RALYL: variants seen among roughly 807,000 people sequenced by gnomAD.
RALYL encodes the protein RNA-binding Raly-like protein.
Under a neutral mutation model 35.1 loss-of-function variants are expected in RALYL, and 29 were observed. The ratio of observed to expected loss-of-function variants is 0.83; its 90% CI spans 0.61 to 1.13. The LOEUF (loss-of-function observed/expected upper bound fraction) is 1.13. Among genes scored for constraint, RALYL ranks in the 50% most tolerant of loss-of-function variants. The probability of loss-of-function intolerance (pLI) is 0.00; values close to 1 mark genes in which losing one functional copy is unlikely to be tolerated. For missense variants in RALYL, 359 were observed against 360.4 expected (o/e 1.00, Z 0.03); for synonymous variants, 120 against 127.6 (o/e 0.94, Z 0.40).
intron 1 of RALYL, among the ~76,000 whole-genome samples, chr8:84,441,820 C>T (rs544549132): frequency 5.3e-5 from 8 of 152,124 alleles, no homozygotes; most frequent in Admixed American, 2.0e-4. Context: ...TAGACATATA[C>T]GTCAATTCCT....
At chr8:84,784,708 G>A (rs183702654) in intron 3 of RALYL, among the ~76,000 whole-genome samples, 1 of 152,188 alleles carries the variant, frequency 6.6e-6, no homozygotes, top group East Asian at 1.9e-4. Context: ...GTGTCTTTGT[G>A]AGAGTAATTC....
intron 4 of RALYL, among the ~76,000 whole-genome samples, chr8:84,812,336 C>T (rs764570500): frequency 6.6e-6 from 1 of 152,062 alleles, no homozygotes; most frequent in African/African-American, 2.4e-5. Context: ...CTGCAGAGTC[C>T]TGTGATGAAA....
intron 2 of RALYL, among the ~76,000 whole-genome samples, chr8:84,658,200 TAAATATTC>T (rs2131616720): frequency 6.6e-6 from 1 of 152,316 alleles, no homozygotes; most frequent in East Asian, 1.9e-4. Flanking sequence ...TCTCTACTTA[TAAATATTC>T]ATGACTCTTC....
intron 2 of RALYL, among the ~76,000 whole-genome samples, chr8:84,571,998 T>C (rs2135798437): frequency 6.6e-6 from 1 of 151,944 alleles, no homozygotes; most frequent in South Asian, 2.1e-4. Flanking sequence ...ATTTGATGTT[T>C]TTGAGACTTG....
chr8:84,794,183 T>C (rs1821405178), intron 3 of RALYL, among the ~76,000 whole-genome samples: 1 of 152,204 alleles, frequency 6.6e-6, no homozygotes, highest in Non-Finnish European at 1.5e-5. Context: ...ATAGATCATG[T>C]CATTTAGCAC....
At chr8:84,645,654 C>CA (rs1827329217) in intron 2 of RALYL, among the ~76,000 whole-genome samples, 2 of 152,068 alleles carry the variant, frequency 1.3e-5, no homozygotes, top group Non-Finnish European at 2.9e-5. Flanking sequence ...GAAATACCCC[C>CA]AGTCCTTTGG....
intron 1 of RALYL, among the ~76,000 whole-genome samples, chr8:84,528,201 G>A (rs563667871): frequency 6.6e-6 from 1 of 152,192 alleles, no homozygotes; most frequent in South Asian, 2.1e-4. Context: ...GTATCAATTA[G>A]CTAATGTTCA....
In RALYL at chr8:84,873,395, C is replaced by A; in HGVS notation, c.683C>A (p.Ala228Glu). Residue 228 changes from alanine to glutamate, a missense_variant and splice_region_variant, in exon 7 of 9, where the codon GCA (alanine) becomes GAA (glutamate). Ala to Glu is a moderately radical substitution (Grantham distance 107, BLOSUM62 -1). Coordinates refer to ENST00000521268, the MANE Select transcript of RALYL (RefSeq NM_173848.7). ...ATTGAGAAACAGCAGAAGGCGGAGG[C>A]AGGTAAGTGATCTCTGATCACAGAC... ...EKIEKQQKAEAEAQKKQLEES... is the reference protein window; with the variant it reads ...EKIEKQQKAEEEAQKKQLEES... The A allele has an allele frequency of 6.4e-7, 1 of 1,570,578 alleles. No homozygotes were observed. Among genetic ancestry groups the A allele is most frequent in the East Asian group, 2.3e-5 (1 of 43,724 alleles).
chr8:84,553,175 A>AG (rs1195032196), intron 2 of RALYL, among the ~76,000 whole-genome samples: 1 of 151,732 alleles, frequency 6.6e-6, no homozygotes, highest in East Asian at 1.9e-4. Flanking sequence ...TTTTTTTGGG[A>AG]GGGGGACAGC....
At chr8:84,346,392 T>A (rs1266499840) in intron 1 of RALYL, among the ~76,000 whole-genome samples, 1 of 152,164 alleles carries the variant, frequency 6.6e-6, no homozygotes, top group South Asian at 2.1e-4. Flanking sequence ...GTATTCATGG[T>A]AGAGATTAAA....
chr8:84,826,156 G>A (rs1374243365), intron 4 of RALYL, among the ~76,000 whole-genome samples: 2 of 151,936 alleles, frequency 1.3e-5, no homozygotes, highest in Non-Finnish European at 2.9e-5. Context: ...TACTAGAGGG[G>A]GAAAGGGAGG....
intron 4 of RALYL, among the ~76,000 whole-genome samples, chr8:84,819,962 A>G (rs1447492893): frequency 1.3e-5 from 2 of 152,118 alleles, no homozygotes; most frequent in Non-Finnish European, 2.9e-5. Context: ...GTATCATCAT[A>G]TATCATAGGG....
intron 1 of RALYL, among the ~76,000 whole-genome samples, chr8:84,438,807 C>T (rs1219348706): frequency 6.6e-6 from 1 of 152,090 alleles, no homozygotes; most frequent in Non-Finnish European, 1.5e-5. Context: ...ATATAGCTAG[C>T]CTGCTATTCC....
chr8:84,556,505 AAAAAT>A (rs1159079303), intron 2 of RALYL, among the ~76,000 whole-genome samples: 2 of 152,208 alleles, frequency 1.3e-5, no homozygotes, highest in Non-Finnish European at 2.9e-5. Flanking sequence ...AAAGACAAAA[AAAAAT>A]AAAATAAAAC....
chr8:84,698,598 T>C (rs1483729334), intron 2 of RALYL, among the ~76,000 whole-genome samples: 2 of 152,026 alleles, frequency 1.3e-5, no homozygotes, highest in Non-Finnish European at 2.9e-5. Flanking sequence ...CAATGAATTT[T>C]ATATAGATAA....
intron 1 of RALYL, among the ~76,000 whole-genome samples, chr8:84,459,308 G>C (rs1327586840): frequency 6.6e-6 from 1 of 151,726 alleles, no homozygotes; most frequent in African/African-American, 2.4e-5. Context: ...GTTGAAACTT[G>C]AAGAACTAGG....
At chr8:84,600,679 G>A (rs1224622075) in intron 2 of RALYL, among the ~76,000 whole-genome samples, 6 of 152,096 alleles carry the variant, frequency 3.9e-5, no homozygotes. Context: ...AGCTGATCTG[G>A]ATATGACTGA....
At chr8:84,250,922 T>G (rs1311925335) in intron 1 of RALYL, among the ~76,000 whole-genome samples, 4 of 152,192 alleles carry the variant, frequency 2.6e-5, no homozygotes, top group Non-Finnish European at 5.9e-5. Context: ...TCTCCTGGGT[T>G]GATCTTCTAC....
rs566620385 is a variant in RALYL, at chr8:84,328,214, G to A, written c.-24+143790G>A. Among the ~76,000 whole-genome samples, 9 of 152,278 alleles carry A rather than the reference G, an allele frequency of 5.9e-5. No homozygotes were observed. The East Asian group carries it at 1.7e-3, about 29-fold the overall frequency. On this transcript the variant is annotated intron_variant, in intron 1 of 8. Coordinates refer to ENST00000521268, the MANE Select transcript of RALYL (RefSeq NM_173848.7). ...ATGACAACTACTGAACAACTGCAGA[G>A]AACATCTGGGTTAGCTCACCGTTTC...
Sources: allele counts gnomAD v4.1 joint callset (sites outside exome capture counted in the v4.1 genomes callset), GRCh38; gene constraint gnomAD v4.1.1; transcripts MANE v1.5; gene names NCBI Gene and HGNC (gene_info 2026-07-23, HGNC 2026-07-21).